The following ANKRD65 variants were observed in gnomAD, a reference collection of about 807,000 sequenced individuals.
ANKRD65 encodes ankyrin repeat domain 65.
ANKRD65 carries 26 observed loss-of-function variants against 17.2 expected under a neutral mutation model. That is an observed-to-expected ratio of 1.51 (90% CI 1.11 to 2.09). The LOEUF is 2.09. Among genes scored for constraint, ANKRD65 ranks in the 30% most tolerant of loss-of-function variants. ANKRD65 has a pLI of 0.00. For missense variants in ANKRD65, 621 were observed against 542.2 expected (o/e 1.15, Z -1.44); for synonymous variants, 311 against 272.2 (o/e 1.14, Z -1.40).
rs1269734481 is a variant in ANKRD65, at chr1:1,419,143, C to T, written c.1157G>A (p.Gly386Glu). The change falls in exon 4 of 4, where the codon GGA (glycine) becomes GAA (glutamate). Residue 386 changes from glycine to glutamate, a missense_variant. By Grantham distance (98) the Gly-to-Glu change is moderately conservative. Coordinates refer to ENST00000537107, the MANE Select transcript of ANKRD65 (RefSeq NM_001145210.3). ...GCCCTCACACTCCTTCTCCCCCCCT[C>T]CAAGTTCAGGCAGCGCCTGGGGCAG... ...GDLPQALPEL[G>E]GGEKECEGIE... is the part of the protein sequence containing the mutation. 1 of 1,535,840 alleles carries T rather than the reference C, an allele frequency of 6.5e-7. No individual in the cohort carries two copies. Among genetic ancestry groups the T allele is most frequent in the South Asian group, 1.2e-5 (1 of 83,046 alleles).
At position 1,420,573 on chromosome 1, in the gene ANKRD65, G is replaced by C. The variant is rs1645535537; in HGVS notation, c.229C>G (p.Pro77Ala). Residue 77 changes from proline to alanine, a missense_variant, in exon 3 of 4, where the codon CCG becomes GCG. By Grantham distance (27) the Pro-to-Ala change is conservative. Transcript: ENST00000537107. ...CCCCGCAGCACGGCCAGGTGGAGCGGGGTCCGGCCTGCGTGGTCCCTGAGG... is the reference window on the plus strand; with the variant it reads ...CCCCGCAGCACGGCCAGGTGGAGCGCGGTCCGGCCTGCGTGGTCCCTGAGG... The part of the protein sequence containing the change: ...VEERDHAGRT[P>A]LHLAVLRGHA... The C allele has an allele frequency of 1.5e-6, 2 of 1,362,938 alleles. No individual in the cohort carries two copies. The highest frequency in any genetic ancestry group is 1.5e-5 in the African/African-American group (1 of 67,128). 84.4% of individuals were successfully genotyped at this position (1,362,938 alleles called of 1,614,324 possible).
Position 1,419,231 on chromosome 1 carries a change from G to T in ANKRD65, c.1069C>A (p.Arg357=). Residue 357 remains arginine, a synonymous_variant, in exon 4 of 4, where the codon CGA becomes AGA. Transcript: ENST00000537107. Reference sequence around the variant, plus strand: ...GTCCGCAGAGTGGGGCTGGCCCCTCGGCTCAGCAGAAGCCCCACGGTAGGC... The same window carrying T: ...GTCCGCAGAGTGGGGCTGGCCCCTCTGCTCAGCAGAAGCCCCACGGTAGGC... The part of the protein sequence containing the change: ...HGPTVGLLLS[R]GASPTLRTQW... 1 of 1,550,338 alleles carries T rather than the reference G, an allele frequency of 6.5e-7. No homozygotes were observed. Among genetic ancestry groups the T allele is most frequent in the Non-Finnish European group, 8.7e-7 (1 of 1,146,862 alleles).
At position 1,418,555 on chromosome 1, in the gene ANKRD65, T is replaced by C. The variant is rs1645484661; in HGVS notation, c.*545A>G. 6.6e-6 allele frequency: 1 copy of C among 152,318 alleles called. No homozygotes were observed. Among genetic ancestry groups the C allele is most frequent in the African/African-American group, 2.4e-5 (1 of 41,452 alleles). The allele number at this position is 152,318 out of a possible 1,614,324, so 9.4% of individuals were successfully genotyped here. On this transcript the variant is annotated 3_prime_UTR_variant, in exon 4 of 4. Transcript: ENST00000537107. ...AGATTTCACATGAAAGGGTCGTCAT[T>C]GATTTGAGCAAGCAGGCGGTACGTG...
chr1:1,419,175 C>G lies in ANKRD65; in HGVS notation c.1125G>C (p.Glu375Asp). The change falls in exon 4 of 4, where the codon GAG (glutamate) becomes GAC (aspartate). Residue 375 changes from glutamate (E) to aspartate (D), a missense_variant. Transcript: ENST00000537107. ...CAGGCAGCGCCTGGGGCAGGTCCCCCTCAGGCATCTGGGCCACCTCGGCCC... is the reference window on the plus strand; with the variant it reads ...CAGGCAGCGCCTGGGGCAGGTCCCCGTCAGGCATCTGGGCCACCTCGGCCC... ...TQWAEVAQMP[E>D]GDLPQALPEL... 6.5e-7 allele frequency: 1 copy of G among 1,545,942 alleles called. No individual in the cohort carries two copies. Among genetic ancestry groups the G allele is most frequent in the Non-Finnish European group, 8.7e-7 (1 of 1,143,408 alleles).
rs748254847 is a variant in ANKRD65 at position 1,419,285 on chromosome 1, G to C, written c.1015C>G (p.Leu339Val). 1 of 1,550,372 alleles carries C rather than the reference G, an allele frequency of 6.5e-7. No homozygotes were observed. The highest frequency in any genetic ancestry group is 2.0e-5 in the Admixed American group (1 of 51,010). Reference protein sequence around the residue: ...DATGWLRKTPLHLAAERGHGP... With the variant: ...DATGWLRKTPVHLAAERGHGP... Reference sequence around the variant, plus strand: ...TGCCCTCGCTCTGCAGCCAGGTGTAGGGGGGTCTTTCGGAGCCAGCCGGTA... The same window carrying C: ...TGCCCTCGCTCTGCAGCCAGGTGTACGGGGGTCTTTCGGAGCCAGCCGGTA... Residue 339 changes from leucine (L) to valine (V), a missense_variant, in exon 4 of 4, where the codon CTA (leucine) becomes GTA (valine). Leu to Val is a conservative substitution (Grantham distance 32, BLOSUM62 1). Transcript: ENST00000537107.
intron 3 of ANKRD65, 123 bp downstream of exon 3, chr1:1,419,929 G>A: frequency 2.8e-6 from 3 of 1,081,920 alleles, no homozygotes; most frequent in Non-Finnish European, 2.3e-6. Flanking sequence ...CCGGGGGCGC[G>A]CTCAGGGCCT....
Position 1,419,157 on chromosome 1 carries a change from C to G in ANKRD65, c.1143G>C (p.Ala381=). ...AQMPEGDLPQ[A]LPELGGGEKE... ...TCTCCCCCCCTCCAAGTTCAGGCAG[C>G]GCCTGGGGCAGGTCCCCCTCAGGCA... The change falls in exon 4 of 4, where the codon GCG becomes GCC. Residue 381 remains alanine (A), a synonymous_variant. Transcript: ENST00000537107. 1 of 1,540,156 alleles carries G rather than the reference C, an allele frequency of 6.5e-7. No homozygotes were observed. Among genetic ancestry groups the G allele is most frequent in the Non-Finnish European group, 8.8e-7 (1 of 1,139,140 alleles).
chr1:1,420,728 C>A (rs1281790790), intron 2 of ANKRD65, 69 bp downstream of exon 2: 5 of 1,479,982 alleles, frequency 3.4e-6, no homozygotes, highest in Non-Finnish European at 4.5e-6. Flanking sequence ...CCTCCACCCA[C>A]CCAGTGCTGG....
rs1346944886 is a variant in ANKRD65 at position 1,420,382 on chromosome 1, G to A, written c.420C>T (p.Gly140=). The part of the protein sequence containing the change: ...GASAAARSGT[G]LTPLHWAAAL... ...CAGCGGCCCAGTGCAGCGGCGTGAG[G>A]CCCGTCCCGGAGCGAGCCGCCGCCG... is the stretch of plus-strand genomic sequence containing the variant. Residue 140 remains glycine, a synonymous_variant, in exon 3 of 4, where the codon GGC becomes GGT. Coordinates refer to ENST00000537107, the MANE Select transcript of ANKRD65 (RefSeq NM_001145210.3). 10 of 1,297,874 alleles carry A rather than the reference G, an allele frequency of 7.7e-6. No individual in the cohort carries two copies. The highest frequency in any genetic ancestry group is 3.0e-4 in the Middle Eastern group (1 of 3,322). The allele number at this position is 1,297,874 out of a possible 1,614,324, so 80.4% of individuals were successfully genotyped here.
rs1037384424 is a variant in ANKRD65, at chr1:1,420,042, C to A, written c.750+10G>T. On this transcript the variant is annotated intron_variant, in intron 3 of 3. Transcript: ENST00000537107. ...CCTCCCATCACTGCCGGGCGGAGGG[C>A]GGGACGTACCTGGGAGCGGCCTAGG... 7.9e-7 allele frequency: 1 copy of A among 1,268,580 alleles called. No individual in the cohort carries two copies. Among genetic ancestry groups the A allele is most frequent in the Non-Finnish European group, 9.9e-7 (1 of 1,006,994 alleles). 78.6% of individuals were successfully genotyped at this position (1,268,580 alleles called of 1,614,324 possible). A position where few individuals can be genotyped will look rare whatever the true frequency, so the allele number is the denominator to read the frequency against.
chr1:1,420,400 C>T lies in ANKRD65; in HGVS notation c.402G>A (p.Ala134=), dbSNP rs1645530605. ...ELLLQRGASA[A]ARSGTGLTPL... ...GCGTGAGGCCCGTCCCGGAGCGAGC[C>T]GCCGCCGAGGCCCCGCGCTGCAGCA... The change falls in exon 3 of 4, where the codon GCG becomes GCA. Residue 134 remains alanine, a synonymous_variant. Coordinates refer to ENST00000537107, the MANE Select transcript of ANKRD65 (RefSeq NM_001145210.3). 1 of 1,315,608 alleles carries T rather than the reference C, an allele frequency of 7.6e-7. No homozygotes were observed. Among genetic ancestry groups the T allele is most frequent in the Non-Finnish European group, 9.7e-7 (1 of 1,027,888 alleles). 81.5% of individuals were successfully genotyped at this position (1,315,608 alleles called of 1,614,324 possible).
rs746571576 is a variant in ANKRD65, at chr1:1,419,095, C to G, written c.*5G>C. The G allele has an allele frequency of 5.4e-6, 8 of 1,481,326 alleles. No homozygotes were observed. Among genetic ancestry groups the G allele is most frequent in the Non-Finnish European group, 2.7e-6 (3 of 1,107,786 alleles). 91.8% of individuals were successfully genotyped at this position (1,481,326 alleles called of 1,614,324 possible). On this transcript the variant is annotated 3_prime_UTR_variant, in exon 4 of 4. Coordinates refer to ENST00000537107, the MANE Select transcript of ANKRD65 (RefSeq NM_001145210.3). The stretch of plus-strand genomic sequence containing the variant: ...GGCGGTGGAGCCTGGAGCCTGCTGT[C>G]TGGCTCAGCCCGTGGACTCTATGCC...
At position 1,420,467 on chromosome 1, in the gene ANKRD65, T is replaced by G; in HGVS notation, c.335A>C (p.His112Pro). 7.8e-7 allele frequency: 1 copy of G among 1,284,390 alleles called. No individual in the cohort carries two copies. Among genetic ancestry groups the G allele is most frequent in the South Asian group, 2.5e-5 (1 of 39,432 alleles). 79.6% of individuals were successfully genotyped at this position (1,284,390 alleles called of 1,614,324 possible). ...AVDRAGRTALHEAAWHGHSRV... is the reference protein window; with the variant it reads ...AVDRAGRTALPEAAWHGHSRV... The stretch of plus-strand genomic sequence containing the variant: ...CGAGTGTCCGTGCCAGGCGGCCTCG[T>G]GCAGCGCGGTGCGCCCCGCCCGGTC... Residue 112 changes from histidine (H) to proline (P), a missense_variant, in exon 3 of 4, where the codon CAC (histidine) becomes CCC (proline). By Grantham distance (77) the His-to-Pro change is moderately conservative. Transcript: ENST00000537107.
In ANKRD65 at chr1:1,420,406, C is replaced by G; in HGVS notation, c.396G>C (p.Ser132=). Residue 132 remains serine, a synonymous_variant, in exon 3 of 4, where the codon TCG becomes TCC. Coordinates refer to ENST00000537107, the MANE Select transcript of ANKRD65 (RefSeq NM_001145210.3). ...VAELLLQRGA[S]AAARSGTGLT... is the part of the protein sequence containing the mutation. ...GGCCCGTCCCGGAGCGAGCCGCCGC[C>G]GAGGCCCCGCGCTGCAGCAGCAGCT... is the stretch of plus-strand genomic sequence containing the variant. The G allele has an allele frequency of 1.5e-6, 2 of 1,320,450 alleles. No individual in the cohort carries two copies. The highest frequency in any genetic ancestry group is 1.9e-6 in the Non-Finnish European group (2 of 1,031,078). 81.8% of individuals were successfully genotyped at this position (1,320,450 alleles called of 1,614,324 possible). A position where few individuals can be genotyped will look rare whatever the true frequency, so the allele number is the denominator to read the frequency against.
rs1645524085 is a variant in ANKRD65 at position 1,420,222 on chromosome 1, C to A, written c.580G>T (p.Glu194Ter). 2 of 990,884 alleles carry A rather than the reference C, an allele frequency of 2.0e-6. No homozygotes were observed. Among genetic ancestry groups the A allele is most frequent in the Non-Finnish European group, 2.4e-6 (2 of 835,428 alleles). The allele number at this position is 990,884 out of a possible 1,614,324, so 61.4% of individuals were successfully genotyped here. Reference sequence around the variant, plus strand: ...CCCGCGCCGCCGGCCGCCAGCAGCTCCAGCACCGCCAGCCGCCCGCCCGCG... The same window carrying A: ...CCCGCGCCGCCGGCCGCCAGCAGCTACAGCACCGCCAGCCGCCCGCCCGCG... Reference protein sequence around the residue: ...AAAGGRLAVLELLAAGGAGLD... With the variant: ...AAAGGRLAVL The change falls in exon 3 of 4, where the codon GAG becomes TAG. Residue 194 changes from glutamate (E) to a stop codon, truncating the protein, a stop_gained. Coordinates refer to ENST00000537107, the MANE Select transcript of ANKRD65 (RefSeq NM_001145210.3). LOFTEE classifies it high-confidence loss of function.
intron 2 of ANKRD65, 49 bp from the exon 3 acceptor site, chr1:1,420,641 A>ACCCCCC: frequency 7.1e-7 from 1 of 1,400,184 alleles, no homozygotes. Context: ...ACTGACCAGA[A>ACCCCCC]CCCCGCCCTG....
At position 1,421,217 on chromosome 1, in the gene ANKRD65, T is replaced by G. The variant is rs1645552721; in HGVS notation, c.-85A>C. ...TGGCCGAGGCTCAGCCTGGTGACCC[T>G]CTTCACAAAATCCCTTCTGCAGGCT... On this transcript the variant is annotated 5_prime_UTR_variant, in exon 1 of 4. Transcript: ENST00000537107. 3 of 579,862 alleles carry G rather than the reference T, an allele frequency of 5.2e-6. No homozygotes were observed. Among genetic ancestry groups the G allele is most frequent in the Non-Finnish European group, 9.2e-6 (3 of 326,408 alleles). 35.9% of individuals were successfully genotyped at this position (579,862 alleles called of 1,614,324 possible). A position where few individuals can be genotyped will look rare whatever the true frequency, so the allele number is the denominator to read the frequency against.
chr1:1,420,509 G>A lies in ANKRD65; in HGVS notation c.293C>T (p.Ala98Val). 1 of 1,275,324 alleles carries A rather than the reference G, an allele frequency of 7.8e-7. No individual in the cohort carries two copies. Among genetic ancestry groups the A allele is most frequent in the Non-Finnish European group, 9.8e-7 (1 of 1,017,252 alleles). 79.0% of individuals were successfully genotyped at this position (1,275,324 alleles called of 1,614,324 possible). ...PLVRLLLQRG[A>V]PVGAVDRAGR... The stretch of plus-strand genomic sequence containing the variant: ...CGCCCGGTCCACCGCGCCCACCGGG[G>A]CCCCTCGCTGCAGCAGGAGACGCAC... The change falls in exon 3 of 4, where the codon GCC (alanine) becomes GTC (valine). Residue 98 changes from alanine (A) to valine (V), a missense_variant. Coordinates refer to ENST00000537107, the MANE Select transcript of ANKRD65 (RefSeq NM_001145210.3).
chr1:1,419,079 G>A lies in ANKRD65; in HGVS notation c.*21C>T, dbSNP rs999571168. The A allele has an allele frequency of 5.4e-6, 8 of 1,470,140 alleles. No homozygotes were observed. The African/African-American group carries it at 9.9e-5, about 18-fold the overall frequency. The allele number at this position is 1,470,140 out of a possible 1,614,324, so 91.1% of individuals were successfully genotyped here. A position where few individuals can be genotyped will look rare whatever the true frequency, so the allele number is the denominator to read the frequency against. ...GCCTGGAAATCACTGGGGCGGTGGA[G>A]CCTGGAGCCTGCTGTCTGGCTCAGC... On this transcript the variant is annotated 3_prime_UTR_variant, in exon 4 of 4. Transcript: ENST00000537107.
Sources: gnomAD v4.1 joint callset for allele counts on GRCh38, gnomAD v4.1.1 for gene constraint, MANE v1.5 for transcripts, NCBI Gene and HGNC (gene_info 2026-07-23, HGNC 2026-07-21) for gene names.